Variants in POU6F1 observed in about 807,000 individuals in gnomAD.
POU6F1 encodes POU domain, class 6, transcription factor 1.
Under a neutral mutation model 28.9 loss-of-function variants are expected in POU6F1, and 9 were observed. That is an observed-to-expected ratio of 0.31 (90% confidence interval 0.19 to 0.54). POU6F1 has a LOEUF of 0.54. Among genes scored for constraint, POU6F1 ranks in the 20% least tolerant of loss-of-function variants. The probability of loss-of-function intolerance (pLI) is 0.94; values close to 1 mark genes in which losing one functional copy is unlikely to be tolerated. For synonymous variants in POU6F1, 173 were observed against 171.1 expected (o/e 1.01, Z -0.09); for missense variants, 338 against 426.1 (o/e 0.79, Z 1.82).
chr12:51,195,711 T>C (rs980513597), intron 8 of POU6F1, among the ~76,000 whole-genome samples: 10 of 152,130 alleles, frequency 6.6e-5, no homozygotes, highest in Admixed American at 5.2e-4. Context: ...CCTGACCTTC[T>C]TAGAACAGCA....
intron 8 of POU6F1, 27 bp downstream of exon 8, chr12:51,195,943 A>AAC: frequency 6.5e-6 from 1 of 155,024 alleles, no homozygotes; most frequent in Non-Finnish European, 1.3e-5. Context: ...AGCCTGCCCC[A>AAC]CCCCCCACCC....
rs953812078 is a variant in POU6F1, at chr12:51,187,272, G to T, written c.*2975C>A. The T allele has an allele frequency of 3.9e-5, 6 of 152,088 alleles. No individual in the cohort carries two copies. The highest frequency in any genetic ancestry group is 1.4e-4 in the African/African-American group (6 of 41,400). 9.4% of individuals were successfully genotyped at this position (152,088 alleles called of 1,614,324 possible). Reference sequence around the variant, plus strand: ...CTAGCTGATCCACCAGGAAAGTTTTGGTCTTTCTTCCATTTAAAACAAAAC... The same window carrying T: ...CTAGCTGATCCACCAGGAAAGTTTTTGTCTTTCTTCCATTTAAAACAAAAC... On this transcript the variant is annotated 3_prime_UTR_variant, in exon 11 of 11. Transcript: ENST00000333640.
intron 1 of POU6F1, among the ~76,000 whole-genome samples, chr12:51,216,187 C>A (rs1243685156): frequency 1.3e-5 from 2 of 151,408 alleles, no homozygotes; most frequent in Non-Finnish European, 2.9e-5. Flanking sequence ...GACTCTGTCT[C>A]AAAAAAAAGA....
At position 51,190,100 on chromosome 12, in the gene POU6F1, T is replaced by C. The variant is rs115051055; in HGVS notation, c.*147A>G. On this transcript the variant is annotated 3_prime_UTR_variant, in exon 11 of 11. Transcript: ENST00000333640. This position sits in a 1 kb window ranked among gnomAD's most constrained non-coding sequence, Gnocchi z 4.5. ...GATGTGTGGGAGAAAAGAGGGACAT[T>C]GATGCACATGCACACGGTGGAGTCT... The C allele has an allele frequency of 6.7e-4, 908 of 1,350,180 alleles. 7 individuals carry two copies. The African/African-American group carries it at 0.011, about 17-fold the overall frequency. The allele number at this position is 1,350,180 out of a possible 1,614,324, so 83.6% of individuals were successfully genotyped here. A position where few individuals can be genotyped will look rare whatever the true frequency, so the allele number is the denominator to read the frequency against.
At chr12:51,198,498 G>A (rs1942998824) in intron 5 of POU6F1, 52 bp downstream of exon 5, 2 of 399,146 alleles carry the variant, frequency 5.0e-6, no homozygotes, top group South Asian at 1.3e-4. Flanking sequence ...ACGTGCGGGG[G>A]TGTAGTAGAG....
At chr12:51,212,776 CAAAAAAAAAAAA>C (rs1176606531) in intron 1 of POU6F1, among the ~76,000 whole-genome samples, 2 of 37,700 alleles carry the variant, frequency 5.3e-5, no homozygotes, top group South Asian at 1.7e-3. Flanking sequence ...AACTCCGTCT[CAAAAAAAAAAAA>C]AAAAAAAAAA....
intron 1 of POU6F1, among the ~76,000 whole-genome samples, chr12:51,213,271 G>A (rs535441927): frequency 6.6e-6 from 1 of 152,006 alleles, no homozygotes; most frequent in East Asian, 1.9e-4. Flanking sequence ...TGTTCCCAGG[G>A]AGGCCTGTAT....
At chr12:51,215,404 A>G (rs1265005477) in intron 1 of POU6F1, among the ~76,000 whole-genome samples, 1 of 151,520 alleles carries the variant, frequency 6.6e-6, no homozygotes, top group African/African-American at 2.4e-5. Context: ...AAAATACAAA[A>G]ATTAGCCAGG....
chr12:51,212,776 CAAAAA>C (rs1176606531), intron 1 of POU6F1, among the ~76,000 whole-genome samples: 1 of 37,698 alleles, frequency 2.7e-5, no homozygotes, highest in Non-Finnish European at 4.2e-5. Flanking sequence ...AACTCCGTCT[CAAAAA>C]AAAAAAAAAA....
At chr12:51,192,814 A>G (rs1942517060) in intron 8 of POU6F1, among the ~76,000 whole-genome samples, 1 of 152,004 alleles carries the variant, frequency 6.6e-6, no homozygotes, top group Non-Finnish European at 1.5e-5. Flanking sequence ...CTGAAGCAGG[A>G]GAATTGCTTG....
At chr12:51,215,371 A>G (rs1944230114) in intron 1 of POU6F1, among the ~76,000 whole-genome samples, 1 of 151,934 alleles carries the variant, frequency 6.6e-6, no homozygotes, top group Non-Finnish European at 1.5e-5. Flanking sequence ...CTTGGCCAAC[A>G]TGGTGAAACC....
At chr12:51,203,264 G>A (rs977846201) in intron 3 of POU6F1, among the ~76,000 whole-genome samples, 2 of 152,130 alleles carry the variant, frequency 1.3e-5, no homozygotes, top group Non-Finnish European at 2.9e-5. Flanking sequence ...AAAGCGAAGT[G>A]AGGGCATGAT....
chr12:51,192,234 A>AC, intron 9 of POU6F1, 96 bp downstream of exon 9: 2 of 1,492,432 alleles, frequency 1.3e-6, no homozygotes, highest in Non-Finnish European at 9.1e-7. Context: ...TCCCCTCTGG[A>AC]CCCCAGGATA....
intron 1 of POU6F1, among the ~76,000 whole-genome samples, chr12:51,212,776 CAAAAAAAA>C (rs1176606531): frequency 2.7e-5 from 1 of 37,700 alleles, no homozygotes; most frequent in Non-Finnish European, 4.2e-5. Context: ...AACTCCGTCT[CAAAAAAAA>C]AAAAAAAAAA....
rs76689460 is a variant in POU6F1 at position 51,210,317 on chromosome 12, G to C, written c.-47-3434C>G. Reference sequence around the variant, plus strand: ...TAGAAGCCATTTGCAAAGAAAATAAGAGGAAGAGACAAAATTGAAATGAAA... The same window carrying C: ...TAGAAGCCATTTGCAAAGAAAATAACAGGAAGAGACAAAATTGAAATGAAA... On this transcript the variant is annotated intron_variant, in intron 1 of 10. Coordinates refer to ENST00000333640, the MANE Select transcript of POU6F1 (RefSeq NM_001330422.2). Among the ~76,000 whole-genome samples, 1,225 of 152,260 alleles carry C rather than the reference G, an allele frequency of 8.0e-3. 20 individuals carry two copies. Among genetic ancestry groups the C allele is most frequent in the African/African-American group, 0.028 (1,167 of 41,544 alleles).
At position 51,188,807 on chromosome 12, in the gene POU6F1, G is replaced by C. The variant is rs543931886; in HGVS notation, c.*1440C>G. 2.6e-5 allele frequency: 4 copies of C among 152,336 alleles called. No homozygotes were observed. Among genetic ancestry groups the C allele is most frequent in the African/African-American group, 7.2e-5 (3 of 41,570 alleles). The allele number at this position is 152,336 out of a possible 1,614,324, so 9.4% of individuals were successfully genotyped here. A position where few individuals can be genotyped will look rare whatever the true frequency, so the allele number is the denominator to read the frequency against. ...TGTAAGGATAAGAGTACTGAAGACA[G>C]GGGTGGTTGACCCCCGTGACTTGGG... On this transcript the variant is annotated 3_prime_UTR_variant, in exon 11 of 11. Coordinates refer to ENST00000333640, the MANE Select transcript of POU6F1 (RefSeq NM_001330422.2).
chr12:51,199,833 T>G lies in POU6F1; in HGVS notation c.280A>C (p.Thr94Pro), dbSNP rs4077093. ...SPPGIPPSPA[T>P]AIATFSQAPS... ...GCTTGGCTGAAGGTGGCAATGGCAG[T>G]GGCAGGGCTCGGAGGGATCCCCGGG... The change falls in exon 4 of 11, where the codon ACT (threonine) becomes CCT (proline). Residue 94 changes from threonine (T) to proline (P), a missense_variant. By Grantham distance (38) the Thr-to-Pro change is conservative. This residue lies in a region of POU6F1 where 206 missense variants were observed against 225.6 expected (regional missense o/e 0.91). Transcript: ENST00000333640. This position sits in a 1 kb window ranked among gnomAD's most constrained non-coding sequence, Gnocchi z 4.1. 325,688 of 399,126 alleles carry G rather than the reference T, an allele frequency of 0.82. 133,412 individuals carry two copies. The highest frequency in any genetic ancestry group is 0.91 in the African/African-American group (44,279 of 48,712). 24.7% of individuals were successfully genotyped at this position (399,126 alleles called of 1,614,324 possible). A position where few individuals can be genotyped will look rare whatever the true frequency, so the allele number is the denominator to read the frequency against.
intron 8 of POU6F1, among the ~76,000 whole-genome samples, chr12:51,194,394 A>G (rs1489921132): frequency 6.6e-6 from 1 of 152,114 alleles, no homozygotes; most frequent in Non-Finnish European, 1.5e-5. Flanking sequence ...TAATACCAGC[A>G]CTTTGGGAGG....
chr12:51,213,291 G>C (rs555443137), intron 1 of POU6F1, among the ~76,000 whole-genome samples: 28 of 152,236 alleles, frequency 1.8e-4, no homozygotes, highest in African/African-American at 6.5e-4. Flanking sequence ...TTTCAGACAT[G>C]AAATTTTATG....
Sources: allele counts gnomAD v4.1 joint callset (sites outside exome capture counted in the v4.1 genomes callset), GRCh38; gene constraint gnomAD v4.1.1; regional missense constraint gnomAD v4.1.1; non-coding constraint Gnocchi (gnomAD v3.1); transcripts MANE v1.5; gene names NCBI Gene and HGNC (gene_info 2026-07-23, HGNC 2026-07-21).